Variants in NIFK observed in about 807,000 individuals in gnomAD.
NIFK encodes the protein MKI67 FHA domain-interacting nucleolar phosphoprotein.
NIFK carries 16 observed loss-of-function variants against 31.7 expected under a neutral mutation model. The observed-to-expected ratio is 0.50, with a 90% CI of 0.34 to 0.77. The LOEUF (loss-of-function observed/expected upper bound fraction) is 0.77. Ranked by LOEUF, NIFK falls within the 30% of genes least tolerant of loss-of-function variation. The pLI is 0.01. For synonymous variants in NIFK, 126 were observed against 123.0 expected, an observed-to-expected ratio of 1.02 and a Z score of -0.16; for missense variants, 341 against 350.4, an observed-to-expected ratio of 0.97 and a Z score of 0.21.
At chr2:121,728,062 A>G in intron 6 of NIFK, 150 bp from the exon 7 acceptor site, 1 of 766,760 alleles carries the variant, frequency 1.3e-6, no homozygotes, top group South Asian at 2.2e-5. Flanking sequence ...GCAAAGAATA[A>G]AGAACTTAGA....
chr2:121,727,930 A>G lies in NIFK; in HGVS notation c.694-18T>C. 1 of 1,566,296 alleles carries G rather than the reference A, an allele frequency of 6.4e-7. No individual in the cohort carries two copies. Among genetic ancestry groups the G allele is most frequent in the Non-Finnish European group, 8.6e-7 (1 of 1,163,296 alleles). ...GTGGGGCCCTGGATTCAACAAGTAA[A>G]GATTATAATACATAAATGTAAAACA... On this transcript the variant is annotated intron_variant, in intron 6 of 6. Coordinates refer to ENST00000285814, the MANE Select transcript of NIFK (RefSeq NM_032390.5).
At chr2:121,731,688 T>G (rs1374309435) in intron 3 of NIFK, among the ~76,000 whole-genome samples, 3 of 152,192 alleles carry the variant, frequency 2.0e-5, no homozygotes, top group African/African-American at 7.2e-5. Flanking sequence ...GCTGAATGGT[T>G]AGGCATCATT....
chr2:121,735,692 A>G lies in NIFK; in HGVS notation c.164T>C (p.Leu55Pro). 2 of 1,613,388 alleles carry G rather than the reference A, an allele frequency of 1.2e-6. No individual in the cohort carries two copies. Among genetic ancestry groups the G allele is most frequent in the African/African-American group, 1.3e-5 (1 of 75,026 alleles). ...TGAAAAGATCTGGGTTTCGTCAAGT[A>G]GGTTAGGTAGGTGGCGCACATAGAC... ...GVVYVRHLPN[L>P]LDETQIFSYF... Residue 55 changes from leucine (L) to proline (P), a missense_variant, in exon 2 of 7, where the codon CTA becomes CCA. By Grantham distance (98) the Leu-to-Pro change is moderately conservative. Transcript: ENST00000285814.
intron 2 of NIFK, among the ~76,000 whole-genome samples, chr2:121,733,388 G>A (rs1409399280): frequency 2.0e-5 from 3 of 151,608 alleles, no homozygotes; most frequent in South Asian, 2.1e-4. Context: ...GGTGGTGCAC[G>A]CCTATAATCC....
In NIFK at chr2:121,728,549, A is replaced by T. The variant is rs1270339962; in HGVS notation, c.565-13T>A. On this transcript the variant is annotated splice_polypyrimidine_tract_variant and intron_variant, in intron 4 of 6. Transcript: ENST00000285814. ...TTTTCTGTAAAATCTTTAATAAAGA[A>T]GTTAGAAATTGACACTCATATCTTT... 1 of 1,479,886 alleles carries T rather than the reference A, an allele frequency of 6.8e-7. No homozygotes were observed. 91.7% of individuals were successfully genotyped at this position (1,479,886 alleles called of 1,614,324 possible).
At chr2:121,732,253 C>T (rs375921659) in intron 2 of NIFK, 49 bp from the exon 3 acceptor site, 26 of 1,092,352 alleles carry the variant, frequency 2.4e-5, no homozygotes, top group Admixed American at 9.0e-5. Flanking sequence ...AATTTGAATG[C>T]GTCATCAAAT....
At chr2:121,733,315 A>G (rs969334206) in intron 2 of NIFK, among the ~76,000 whole-genome samples, 4 of 151,892 alleles carry the variant, frequency 2.6e-5, no homozygotes, top group African/African-American at 9.7e-5. Flanking sequence ...GGGAGCTCAA[A>G]ATCATCCTGA....
chr2:121,734,697 G>A (rs963105144), intron 2 of NIFK, among the ~76,000 whole-genome samples: 2 of 152,172 alleles, frequency 1.3e-5, no homozygotes, highest in Non-Finnish European at 2.9e-5. Flanking sequence ...GGAAGGTGAC[G>A]CAAGGAGAAT....
At chr2:121,729,133 G>A (rs2074517950) in intron 4 of NIFK, among the ~76,000 whole-genome samples, 1 of 152,072 alleles carries the variant, frequency 6.6e-6, no homozygotes, top group African/African-American at 2.4e-5. Flanking sequence ...AGGCCAAGGT[G>A]GGTGGATCAT....
chr2:121,733,399 C>T (rs2074557354), intron 2 of NIFK, among the ~76,000 whole-genome samples: 2 of 152,044 alleles, frequency 1.3e-5, no homozygotes, highest in African/African-American at 4.8e-5. Context: ...CCTATAATCC[C>T]AGCTATTCAG....
At position 121,727,524 on chromosome 2, in the gene NIFK, TG is replaced by T; in HGVS notation, c.*199del. The T allele has an allele frequency of 1.4e-6, 1 of 706,926 alleles. No individual in the cohort carries two copies. Among genetic ancestry groups the T allele is most frequent in the South Asian group, 1.5e-5 (1 of 66,646 alleles). The allele number at this position is 706,926 out of a possible 1,614,324, so 43.8% of individuals were successfully genotyped here. On this transcript the variant is annotated 3_prime_UTR_variant, in exon 7 of 7. Transcript: ENST00000285814. The stretch of plus-strand genomic sequence containing the variant: ...AAAGAGGCAATGTCAGCCAAGCCAC[TG>T]CAAGATGGTATGCACCCCTGTATTT...
In NIFK at chr2:121,735,734, T is replaced by C; in HGVS notation, c.122A>G (p.Gln41Arg). ...KRITQRKKQE[Q>R]LTPGVVYVRH... is the part of the protein sequence containing the mutation. The stretch of plus-strand genomic sequence containing the variant: ...CACATAGACTACTCCAGGAGTAAGT[T>C]GTTCTTGTTTTTTTCGCTAAAGACG... The change falls in exon 2 of 7, where the codon CAA becomes CGA. Residue 41 changes from glutamine (Q) to arginine (R), a missense_variant. Physicochemically the swap from Gln to Arg is conservative, Grantham distance 43. Coordinates refer to ENST00000285814, the MANE Select transcript of NIFK (RefSeq NM_032390.5). 1 of 1,612,704 alleles carries C rather than the reference T, an allele frequency of 6.2e-7. No homozygotes were observed. The highest frequency in any genetic ancestry group is 8.5e-7 in the Non-Finnish European group (1 of 1,179,748).
chr2:121,728,408 G>A (rs776950794), intron 5 of NIFK, 52 bp from the exon 6 acceptor site: 6 of 1,471,050 alleles, frequency 4.1e-6, no homozygotes, highest in East Asian at 2.3e-5. Context: ...AGCTACAGTA[G>A]TCTTGAATAT....
chr2:121,732,783 C>A (rs958294714), intron 2 of NIFK, among the ~76,000 whole-genome samples: 4 of 152,022 alleles, frequency 2.6e-5, no homozygotes. Context: ...GAGTTCAAGA[C>A]CAGCCTGGTC....
At chr2:121,734,438 T>C (rs1307375646) in intron 2 of NIFK, among the ~76,000 whole-genome samples, 1 of 152,202 alleles carries the variant, frequency 6.6e-6, no homozygotes, top group Non-Finnish European at 1.5e-5. Context: ...TACATTTATA[T>C]ATGTACACAT....
At chr2:121,733,415 T>C (rs2074557463) in intron 2 of NIFK, among the ~76,000 whole-genome samples, 1 of 151,664 alleles carries the variant, frequency 6.6e-6, no homozygotes, top group East Asian at 1.9e-4. Flanking sequence ...TTCAGGAGGC[T>C]GAGGCAGGAG....
At position 121,728,552 on chromosome 2, in the gene NIFK, T is replaced by G. The variant is rs545392100; in HGVS notation, c.565-16A>C. On this transcript the variant is annotated splice_polypyrimidine_tract_variant and intron_variant, in intron 4 of 6. Transcript: ENST00000285814. Reference sequence around the variant, plus strand: ...TCTGTAAAATCTTTAATAAAGAAGTTAGAAATTGACACTCATATCTTTTCT... The same window carrying G: ...TCTGTAAAATCTTTAATAAAGAAGTGAGAAATTGACACTCATATCTTTTCT... 19 of 1,451,790 alleles carry G rather than the reference T, an allele frequency of 1.3e-5. No homozygotes were observed. The African/African-American group carries it at 2.7e-4, about 21-fold the overall frequency. 89.9% of individuals were successfully genotyped at this position (1,451,790 alleles called of 1,614,324 possible).
chr2:121,732,273 G>A, intron 2 of NIFK, 69 bp from the exon 3 acceptor site: 1 of 906,190 alleles, frequency 1.1e-6, no homozygotes, highest in African/African-American at 1.6e-5. Context: ...TTCCTAAAAT[G>A]CCATTATTTT....
chr2:121,735,599 T>A lies in NIFK; in HGVS notation c.243+14A>T. Reference sequence around the variant, plus strand: ...TGAAAAACAAAACATTAAATCCAACTGCAAAAATCTTACCCTTTTACTTCT... The same window carrying A: ...TGAAAAACAAAACATTAAATCCAACAGCAAAAATCTTACCCTTTTACTTCT... On this transcript the variant is annotated intron_variant, in intron 2 of 6. Coordinates refer to ENST00000285814, the MANE Select transcript of NIFK (RefSeq NM_032390.5). 1 of 1,611,688 alleles carries A rather than the reference T, an allele frequency of 6.2e-7. No individual in the cohort carries two copies. Among genetic ancestry groups the A allele is most frequent in the South Asian group, 1.1e-5 (1 of 90,970 alleles).
Sources: gnomAD v4.1 joint callset for allele counts (sites outside exome capture counted in the v4.1 genomes callset) on GRCh38, gnomAD v4.1.1 for gene constraint, MANE v1.5 for transcripts, NCBI Gene and HGNC (gene_info 2026-07-23, HGNC 2026-07-21) for gene names.